MAGI1: variants seen among roughly 807,000 people sequenced by gnomAD.
MAGI1 encodes the protein membrane associated guanylate kinase, WW and PDZ domain containing 1, also known as membrane-associated guanylate kinase, WW and PDZ domain-containing protein 1.
A neutral mutation model predicts 139.9 loss-of-function variants in MAGI1; 58 were observed. That is an observed-to-expected ratio of 0.41 (90% CI 0.34 to 0.52). The LOEUF is 0.52. Ranked by LOEUF, MAGI1 falls within the 20% of genes least tolerant of loss-of-function variation. The pLI is 0.12. For missense variants in MAGI1, 1,874 were observed against 1,901.6 expected, an observed-to-expected ratio of 0.99 and a Z score of 0.27; for synonymous variants, 812 against 737.9, an observed-to-expected ratio of 1.10 and a Z score of -1.63.
intron 2 of MAGI1, among the ~76,000 whole-genome samples, chr3:65,501,711 C>A (rs2077090076): frequency 6.6e-6 from 1 of 152,064 alleles, no homozygotes; most frequent in African/African-American, 2.4e-5. Context: ...TAAATGTTTA[C>A]CCCAGAGAAA....
chr3:65,432,539 G>A (rs367993126), intron 10 of MAGI1, among the ~76,000 whole-genome samples: 3 of 152,112 alleles, frequency 2.0e-5, no homozygotes, highest in African/African-American at 4.8e-5. Context: ...AGGTCCTTTC[G>A]CTAACCTGCT....
intron 1 of MAGI1, among the ~76,000 whole-genome samples, chr3:65,826,435 A>C (rs1000837676): frequency 6.6e-6 from 1 of 152,236 alleles, no homozygotes; most frequent in Non-Finnish European, 1.5e-5. Flanking sequence ...ATTCTGTGCA[A>C]ATTCTTACCT....
intron 1 of MAGI1, among the ~76,000 whole-genome samples, chr3:65,965,178 T>C (rs957351957): frequency 3.9e-5 from 6 of 152,172 alleles, no homozygotes; most frequent in African/African-American, 1.4e-4. Context: ...CTGCCCAGAG[T>C]ATCCATTGTC....
intron 1 of MAGI1, among the ~76,000 whole-genome samples, chr3:65,723,576 G>C (rs1329723557): frequency 1.3e-5 from 2 of 152,102 alleles, no homozygotes; most frequent in South Asian, 2.1e-4. Flanking sequence ...CATGGTGTTT[G>C]TCACAAAGGG....
intron 22 of MAGI1, 117 bp from the exon 23 acceptor site, chr3:65,357,249 A>C: frequency 9.3e-7 from 1 of 1,076,422 alleles, no homozygotes. Context: ...CTGTTAAAGC[A>C]GTCAGACTCA....
chr3:65,599,251 C>T (rs145704650), intron 2 of MAGI1, among the ~76,000 whole-genome samples: 93 of 152,146 alleles, frequency 6.1e-4, no homozygotes, highest in South Asian at 3.3e-3. Context: ...TTTACGGGTG[C>T]GGGAGAAAGG....
intron 12 of MAGI1, among the ~76,000 whole-genome samples, chr3:65,417,427 A>G (rs971030497): frequency 1.3e-5 from 2 of 152,336 alleles, no homozygotes; most frequent in African/African-American, 4.8e-5. Flanking sequence ...GTTGCTGACA[A>G]CTAATCAACT....
intron 2 of MAGI1, among the ~76,000 whole-genome samples, chr3:65,595,659 G>A (rs1462016544): frequency 1.1e-4 from 16 of 152,128 alleles, no homozygotes; most frequent in Non-Finnish European, 1.0e-4. Context: ...ATAACGGACC[G>A]ATTCCACGTC....
At chr3:65,919,918 T>G (rs1331905282) in intron 1 of MAGI1, among the ~76,000 whole-genome samples, 1 of 152,166 alleles carries the variant, frequency 6.6e-6, no homozygotes, top group African/African-American at 2.4e-5. Context: ...TTTTCAATCT[T>G]ATCCCATTGG....
intron 2 of MAGI1, among the ~76,000 whole-genome samples, chr3:65,586,169 C>G (rs1218705759): frequency 6.6e-6 from 1 of 151,732 alleles, no homozygotes; most frequent in Non-Finnish European, 1.5e-5. Flanking sequence ...ATGGTCATGC[C>G]ACTGTACTCT....
rs190286238 is a variant in MAGI1 at position 65,506,485 on chromosome 3, T to A, written c.431-12854A>T. Among the ~76,000 whole-genome samples the A allele has an allele frequency of 3.3e-5, 5 of 152,306 alleles. No individual in the cohort carries two copies. In the East Asian group the frequency reaches 5.8e-4, roughly 18 times the overall value. On this transcript the variant is annotated intron_variant, in intron 2 of 22. Coordinates refer to ENST00000402939, the MANE Select transcript of MAGI1 (RefSeq NM_001033057.2). Reference sequence around the variant, plus strand: ...TAATTTAATTCTTCCAAGAGGGGTATATTTTTCCAACCTTGATGAAATTTT... The same window carrying A: ...TAATTTAATTCTTCCAAGAGGGGTAAATTTTTCCAACCTTGATGAAATTTT...
At chr3:65,543,065 A>C (rs996593947) in intron 2 of MAGI1, among the ~76,000 whole-genome samples, 2 of 152,078 alleles carry the variant, frequency 1.3e-5, no homozygotes, top group African/African-American at 2.4e-5. Flanking sequence ...GAAAAAAAAA[A>C]CAAACAACCC....
chr3:65,596,999 G>C (rs954058672), intron 2 of MAGI1, among the ~76,000 whole-genome samples: 1 of 152,094 alleles, frequency 6.6e-6, no homozygotes, highest in African/African-American at 2.4e-5. Flanking sequence ...AATTTTCCCC[G>C]AGAGCTTACA....
intron 1 of MAGI1, among the ~76,000 whole-genome samples, chr3:65,985,871 G>C (rs17031818): frequency 0.12 from 17,840 of 152,176 alleles, 1,513 homozygotes; most frequent in African/African-American, 0.24. Context: ...AATAGAAAAT[G>C]GCAATTTTGA....
intron 1 of MAGI1, among the ~76,000 whole-genome samples, chr3:65,900,374 T>C (rs1468813287): frequency 6.6e-6 from 1 of 152,212 alleles, no homozygotes; most frequent in Non-Finnish European, 1.5e-5. Flanking sequence ...CACAGTGTTA[T>C]AATTGGGAAG....
At chr3:65,487,089 A>C (rs1234381628) in intron 3 of MAGI1, among the ~76,000 whole-genome samples, 1 of 152,204 alleles carries the variant, frequency 6.6e-6, no homozygotes, top group African/African-American at 2.4e-5. Context: ...TGTGGTTGCC[A>C]GATGAAATGC....
At chr3:65,589,552 G>T (rs747476770) in intron 2 of MAGI1, among the ~76,000 whole-genome samples, 6 of 151,994 alleles carry the variant, frequency 3.9e-5, no homozygotes, top group Non-Finnish European at 7.4e-5. Context: ...TAGCTTCCTT[G>T]TTGACCCCCC....
intron 1 of MAGI1, among the ~76,000 whole-genome samples, chr3:65,837,515 A>G (rs915710778): frequency 6.6e-6 from 1 of 152,204 alleles, no homozygotes; most frequent in Non-Finnish European, 1.5e-5. Context: ...AACCATAACC[A>G]GTAGATGCCT....
At chr3:65,523,188 T>G (rs568195573) in intron 2 of MAGI1, among the ~76,000 whole-genome samples, 18 of 152,298 alleles carry the variant, frequency 1.2e-4, no homozygotes, top group African/African-American at 3.6e-4. Flanking sequence ...TCTTACTGTG[T>G]ATGATACTAT....
Sources: allele counts gnomAD v4.1 joint callset (sites outside exome capture counted in the v4.1 genomes callset), GRCh38; gene constraint gnomAD v4.1.1; transcripts MANE v1.5; gene names NCBI Gene and HGNC (gene_info 2026-07-23, HGNC 2026-07-21).